The following C22orf23 variants were observed in gnomAD, a reference collection of about 807,000 sequenced individuals.
The protein encoded by C22orf23 is chromosome 22 open reading frame 23, also known as UPF0193 protein EVG1.
Under a neutral mutation model 29.7 loss-of-function variants are expected in C22orf23, and 30 were observed. The observed-to-expected ratio is 1.01, with a 90% CI of 0.76 to 1.37. The LOEUF is 1.37. C22orf23 is among the 40% of genes most tolerant of loss of function. The pLI is 0.00. For synonymous variants in C22orf23, 90 were observed against 96.1 expected, an observed-to-expected ratio of 0.94 and a Z score of 0.37; for missense variants, 237 against 273.1, an observed-to-expected ratio of 0.87 and a Z score of 0.93.
chr22:37,945,096 CCTTT>C lies in C22orf23; in HGVS notation c.423_426del (p.Lys142ProfsTer13), dbSNP rs368393234. ...GGAGCCTTCTGTCGTGCAGGAGGGG[CCTTT>C]CTTTTCCGTTCCTCCATGTCCTTCC... On this transcript the variant is annotated frameshift_variant, in exon 5 of 7. Coordinates refer to ENST00000403305, the MANE Select transcript of C22orf23 (RefSeq NM_032561.5). LOFTEE classifies it high-confidence loss of function. The C allele has an allele frequency of 7.4e-6, 12 of 1,613,700 alleles. No homozygotes were observed. Among genetic ancestry groups the C allele is most frequent in the African/African-American group, 4.0e-5 (3 of 74,890 alleles).
At chr22:37,949,820 C>G (rs1442933239) in intron 3 of C22orf23, among the ~76,000 whole-genome samples, 1 of 152,022 alleles carries the variant, frequency 6.6e-6, no homozygotes, top group Non-Finnish European at 1.5e-5. Flanking sequence ...TCTACAAGGT[C>G]AATTCCCCAG....
At chr22:37,952,891 C>T (rs1011615821) in intron 2 of C22orf23, 156 bp downstream of exon 2, 3 of 626,066 alleles carry the variant, frequency 4.8e-6, no homozygotes, top group Non-Finnish European at 8.5e-6. Context: ...CTAGGTTGCA[C>T]GCTCCTTATG....
rs1215001658 is a variant in C22orf23 at position 37,949,284 on chromosome 22, GT to G, written c.167-1822del. ...CAGCTTAGAGCAGGTCCCATCCATT[GT>G]TTTTTTTTTTTTTTTTGAGACAGAG... On this transcript the variant is annotated intron_variant, in intron 3 of 6. Coordinates refer to ENST00000403305, the MANE Select transcript of C22orf23 (RefSeq NM_032561.5). 2.5e-3 allele frequency among the ~76,000 whole-genome samples: 322 copies of G among 129,292 alleles called. 2 individuals carry two copies. The highest frequency in any genetic ancestry group is 8.0e-3 in the Middle Eastern group (2 of 250). The allele number at this position is 129,292 out of a possible 152,430, so 84.8% of individuals were successfully genotyped here.
intron 2 of C22orf23, 38 bp from the exon 3 acceptor site, chr22:37,951,560 C>A (rs1485701376): frequency 4.4e-6 from 7 of 1,586,560 alleles, no homozygotes; most frequent in Admixed American, 1.7e-5. Context: ...TCTTGGGCTG[C>A]AGGCGGATGC....
chr22:37,945,700 T>C (rs1930656780), intron 4 of C22orf23, among the ~76,000 whole-genome samples: 1 of 149,256 alleles, frequency 6.7e-6, no homozygotes, highest in Non-Finnish European at 1.5e-5. Flanking sequence ...TTTTGCCATG[T>C]TGCCCAGGCT....
chr22:37,951,203 C>T (rs551499934), intron 3 of C22orf23: 5 of 352,570 alleles, frequency 1.4e-5, no homozygotes, highest in African/African-American at 1.1e-4. Flanking sequence ...CAGAGTGAGA[C>T]TCTGTCTCAA....
intron 2 of C22orf23, 34 bp downstream of exon 2, chr22:37,953,012 CA>C: frequency 2.6e-6 from 4 of 1,531,484 alleles, no homozygotes; most frequent in Admixed American, 1.9e-5. Flanking sequence ...TCCCTGGTGC[CA>C]AAAAGGCTGG....
intron 4 of C22orf23, among the ~76,000 whole-genome samples, chr22:37,946,114 C>T (rs1930685919): frequency 6.6e-6 from 1 of 152,046 alleles, no homozygotes; most frequent in East Asian, 1.9e-4. Flanking sequence ...AAAAAATTAG[C>T]CCGGCGTGAT....
intron 2 of C22orf23, 104 bp from the exon 3 acceptor site, chr22:37,951,626 C>A: frequency 8.3e-6 from 7 of 841,620 alleles, no homozygotes; most frequent in Non-Finnish European, 1.3e-5. Flanking sequence ...CCATTCTGCA[C>A]TGAGCATGCC....
Position 37,944,571 on chromosome 22 carries a change from G to A in C22orf23, c.482-54C>T, listed in dbSNP as rs1294797245. On this transcript the variant is annotated intron_variant, in intron 5 of 6. Coordinates refer to ENST00000403305, the MANE Select transcript of C22orf23 (RefSeq NM_032561.5). ...CCATGAGGGATGCAGGCAGCGGGTT[G>A]CCTCTCTTGAGGAGAGGAAGTGGTT... The A allele has an allele frequency of 2.0e-6, 3 of 1,505,268 alleles. No homozygotes were observed. The African/African-American group carries it at 4.1e-5, about 21-fold the overall frequency. The allele number at this position is 1,505,268 out of a possible 1,614,324, so 93.2% of individuals were successfully genotyped here. A position where few individuals can be genotyped will look rare whatever the true frequency, so the allele number is the denominator to read the frequency against.
chr22:37,953,212 G>C, intron 1 of C22orf23, 54 bp from the exon 2 acceptor site: 1 of 1,250,494 alleles, frequency 8.0e-7, no homozygotes, highest in South Asian at 1.3e-5. Flanking sequence ...CCTAATCTCT[G>C]TTCCCCGACG....
chr22:37,948,994 G>A (rs1017738280), intron 3 of C22orf23, among the ~76,000 whole-genome samples: 2 of 151,904 alleles, frequency 1.3e-5, no homozygotes, highest in African/African-American at 4.8e-5. Context: ...TTATTTCTAG[G>A]TTTGTTTTTT....
In C22orf23 at chr22:37,953,061, C is replaced by T. The variant is rs139387498; in HGVS notation, c.89G>A (p.Cys30Tyr). 1 of 1,613,488 alleles carries T rather than the reference C, an allele frequency of 6.2e-7. No homozygotes were observed. Among genetic ancestry groups the T allele is most frequent in the Non-Finnish European group, 8.5e-7 (1 of 1,179,710 alleles). The stretch of plus-strand genomic sequence containing the variant: ...AACGGACTGACCTCTGAGCAGCTCG[C>T]AGGTCCCCGGGGTGTAAGTGATGGT... ...PKTITYTPGT[C>Y]ELLRVMMKES... Residue 30 changes from cysteine (C) to tyrosine (Y), a missense_variant, in exon 2 of 7, where the codon TGC (cysteine) becomes TAC (tyrosine). Physicochemically the swap from Cys to Tyr is radical, Grantham distance 194 (BLOSUM62 -2). Transcript: ENST00000403305.
Position 37,945,172 on chromosome 22 carries a change from C to T in C22orf23, c.351G>A (p.Arg117=). The T allele has an allele frequency of 2.5e-6, 4 of 1,609,702 alleles. No individual in the cohort carries two copies. Among genetic ancestry groups the T allele is most frequent in the Non-Finnish European group, 3.4e-6 (4 of 1,178,548 alleles). The stretch of plus-strand genomic sequence containing the variant: ...GTCTTTGTTTCTCCTTCTCCAAATC[C>T]CCTGTAGGGCCAAAAAGAAATGGCC... The part of the protein sequence containing the change: ...SREQFKPQAT[R]DLEKEKQRLQ... The change falls in exon 5 of 7, where the codon AGG becomes AGA. Residue 117 remains arginine (R), a splice_region_variant and synonymous_variant. Transcript: ENST00000403305.
chr22:37,945,788 C>T (rs1464494351), intron 4 of C22orf23, among the ~76,000 whole-genome samples: 6 of 141,956 alleles, frequency 4.2e-5, no homozygotes, highest in Non-Finnish European at 7.6e-5. Flanking sequence ...TGAGCCATCA[C>T]GCCTGACCGA....
Position 37,947,609 on chromosome 22 carries a change from C to G in C22orf23, c.167-146G>C, listed in dbSNP as rs562186687. 1.3e-5 allele frequency: 8 copies of G among 628,518 alleles called. No homozygotes were observed. The African/African-American group carries it at 1.5e-4, about 11-fold the overall frequency. The allele number at this position is 628,518 out of a possible 1,614,324, so 38.9% of individuals were successfully genotyped here. Reference sequence around the variant, plus strand: ...TACTGCAACCTCTGCCTCTTAGGTTCAAGCGATTCTCCTGCCTCAGTCTCC... The same window carrying G: ...TACTGCAACCTCTGCCTCTTAGGTTGAAGCGATTCTCCTGCCTCAGTCTCC... On this transcript the variant is annotated intron_variant, in intron 3 of 6. Transcript: ENST00000403305.
Position 37,945,141 on chromosome 22 carries a change from T to A in C22orf23, c.382A>T (p.Asn128Tyr), listed in dbSNP as rs1930621887. The change falls in exon 5 of 7, where the codon AAT becomes TAT. Residue 128 changes from asparagine (N) to tyrosine (Y), a missense_variant. Physicochemically the swap from Asn to Tyr is moderately radical, Grantham distance 143. Coordinates refer to ENST00000403305, the MANE Select transcript of C22orf23 (RefSeq NM_032561.5). Reference sequence around the variant, plus strand: ...ATGTCCTTCCCTGTGGCAAAGATATTTTGGAGTCTTTGTTTCTCCTTCTCC... The same window carrying A: ...ATGTCCTTCCCTGTGGCAAAGATATATTGGAGTCTTTGTTTCTCCTTCTCC... ...DLEKEKQRLQ[N>Y]IFATGKDMEE... is the part of the protein sequence containing the mutation. 13 of 1,613,608 alleles carry A rather than the reference T, an allele frequency of 8.1e-6. No individual in the cohort carries two copies. Among genetic ancestry groups the A allele is most frequent in the Non-Finnish European group, 1.1e-5 (13 of 1,179,864 alleles).
chr22:37,945,749 G>A (rs1288199814), intron 4 of C22orf23, among the ~76,000 whole-genome samples: 2 of 144,924 alleles, frequency 1.4e-5, no homozygotes, highest in East Asian at 2.0e-4. Context: ...TGCCAGCCTC[G>A]GCCTCCCAAA....
intron 3 of C22orf23, among the ~76,000 whole-genome samples, chr22:37,947,943 T>C (rs1171201322): frequency 6.6e-6 from 1 of 151,234 alleles, no homozygotes; most frequent in East Asian, 2.0e-4. Context: ...CTGTCTGTAC[T>C]AAAAATACAA....
Sources: gnomAD v4.1 joint callset for allele counts (sites outside exome capture counted in the v4.1 genomes callset) on GRCh38, gnomAD v4.1.1 for gene constraint, MANE v1.5 for transcripts, NCBI Gene and HGNC (gene_info 2026-07-23, HGNC 2026-07-21) for gene names.